GCNT1: variants seen among roughly 807,000 people sequenced by gnomAD.
GCNT1 encodes the protein glucosaminyl (N-acetyl) transferase 1, also known as beta-1,3-galactosyl-O-glycosyl-glycoprotein beta-1,6-N-acetylglucosaminyltransferase.
Under a neutral mutation model 26.2 loss-of-function variants are expected in GCNT1, and 16 were observed. The ratio of observed to expected loss-of-function variants is 0.61; its 90% CI spans 0.41 to 0.93. The LOEUF (loss-of-function observed/expected upper bound fraction) is 0.93. Ranked by LOEUF, GCNT1 falls within the 40% of genes least tolerant of loss-of-function variation. The pLI is 0.00. For synonymous variants in GCNT1, 183 were observed against 190.8 expected (o/e 0.96, Z 0.34); for missense variants, 477 against 526.7 (o/e 0.91, Z 0.92).
the GCNT1 span, among the ~76,000 whole-genome samples, chr9:76,413,664 T>TG: frequency 3.8e-4 from 44 of 117,150 alleles, 1 homozygote; most frequent in South Asian, 0.011. Context: ...TTTTTTTTTT[T>TG]TTTGTTTTTT....
chr9:76,478,173 C>A (rs946111916), intron 2 of GCNT1, among the ~76,000 whole-genome samples: 1 of 152,176 alleles, frequency 6.6e-6, no homozygotes, highest in Admixed American at 6.5e-5. Flanking sequence ...GCAACCTGCT[C>A]AGGTATCCTT....
chr9:76,416,172 C>T (rs111989786), upstream of GCNT1, among the ~76,000 whole-genome samples: 2 of 152,184 alleles, frequency 1.3e-5, no homozygotes, highest in African/African-American at 4.8e-5. Context: ...AGCAGAGTGT[C>T]ATGGCAGAGA....
chr9:76,484,804 T>C (rs1024350095), intron 2 of GCNT1, among the ~76,000 whole-genome samples: 46 of 150,472 alleles, frequency 3.1e-4, no homozygotes, highest in East Asian at 2.9e-3. Flanking sequence ...TTTTTTTTTT[T>C]CTGAGATGGA....
rs149839829 is a variant in GCNT1, at chr9:76,434,537, G to A, written n.38+14650G>A. Among the ~76,000 whole-genome samples, 21 of 152,308 alleles carry A rather than the reference G, an allele frequency of 1.4e-4. No homozygotes were observed. The East Asian group carries it at 3.9e-3, about 28-fold the overall frequency. ...GGACCCTGTGATGATTGTGTTAACTGTACAAATTGATTGTAAAACTTGTGT... is the reference window on the plus strand; with the variant it reads ...GGACCCTGTGATGATTGTGTTAACTATACAAATTGATTGTAAAACTTGTGT... On this transcript the variant is annotated intron_variant and non_coding_transcript_variant, in intron 1 of 3. Transcript: ENST00000488136.
chr9:76,490,475 T>C (rs914254824), intron 2 of GCNT1, among the ~76,000 whole-genome samples: 1 of 152,254 alleles, frequency 6.6e-6, no homozygotes, highest in Non-Finnish European at 1.5e-5. Context: ...GGCCCTGTGC[T>C]GACAGACTTG....
At chr9:76,402,348 A>G in the GCNT1 span, among the ~76,000 whole-genome samples, 411 of 152,366 alleles carry the variant, frequency 2.7e-3, 2 homozygotes, top group Non-Finnish European at 4.5e-3. Context: ...TAAATTCAGA[A>G]AACATATTTT....
chr9:76,477,787 A>G (rs1364311331), intron 2 of GCNT1, among the ~76,000 whole-genome samples: 2 of 151,984 alleles, frequency 1.3e-5, no homozygotes, highest in African/African-American at 4.8e-5. Flanking sequence ...GTAGCTCCCC[A>G]TTCTTCCCTC....
rs987181059 is a variant in GCNT1 at position 76,433,316 on chromosome 9, T to TG, written n.38+13432dup. ...AAACCTGTGGGCTGGAGTGGGGCAA[T>TG]GGGACTGACAGAACTGTTAACGTGC... On this transcript the variant is annotated intron_variant and non_coding_transcript_variant, in intron 1 of 3. Transcript: ENST00000488136. 2.4e-4 allele frequency among the ~76,000 whole-genome samples: 37 copies of TG among 152,244 alleles called. 1 individual carries two copies. Among genetic ancestry groups the TG allele is most frequent in the African/African-American group, 8.4e-4 (35 of 41,542 alleles).
At chr9:76,405,255 G>A in the GCNT1 span, among the ~76,000 whole-genome samples, 75 of 150,058 alleles carry the variant, frequency 5.0e-4, no homozygotes, top group African/African-American at 1.8e-3. Context: ...AAATTGAGAA[G>A]TACAGAAAGT....
At chr9:76,403,680 C>T in the GCNT1 span, among the ~76,000 whole-genome samples, 1 of 152,200 alleles carries the variant, frequency 6.6e-6, no homozygotes, top group African/African-American at 2.4e-5. Context: ...AGCATGGCTA[C>T]TGCATTCTAT....
the GCNT1 span, among the ~76,000 whole-genome samples, chr9:76,395,097 C>T: frequency 3.9e-5 from 6 of 152,136 alleles, no homozygotes; most frequent in South Asian, 6.2e-4. Flanking sequence ...TTGACAATTT[C>T]ACAAGCCCGA....
intron 2 of GCNT1, among the ~76,000 whole-genome samples, chr9:76,472,660 A>G (rs1055535834): frequency 2.0e-5 from 3 of 152,166 alleles, no homozygotes; most frequent in African/African-American, 7.2e-5. Context: ...TATTTACAGT[A>G]GACCTGACTG....
chr9:76,494,656 G>A lies in GCNT1; in HGVS notation c.-289-6260G>A, dbSNP rs574552. Among the ~76,000 whole-genome samples the A allele has an allele frequency of 6.2e-3, 941 of 152,296 alleles. 3 individuals carry two copies. Among genetic ancestry groups the A allele is most frequent in the Non-Finnish European group, 9.6e-3 (656 of 68,012 alleles). ...TATACTAGAAATCATTCTTATAGGAGAAACTAGAAAAGCACCAGAGACAGG... is the reference window on the plus strand; with the variant it reads ...TATACTAGAAATCATTCTTATAGGAAAAACTAGAAAAGCACCAGAGACAGG... On this transcript the variant is annotated intron_variant, in intron 2 of 3. Coordinates refer to ENST00000376730, the MANE Select transcript of GCNT1 (RefSeq NM_001490.5).
chr9:76,410,836 T>C, the GCNT1 span, among the ~76,000 whole-genome samples: 2 of 152,352 alleles, frequency 1.3e-5, no homozygotes, highest in South Asian at 4.1e-4. Flanking sequence ...ATTGTATTCC[T>C]ATCAGTTTTT....
At chr9:76,496,553 C>A (rs951152476) in intron 2 of GCNT1, among the ~76,000 whole-genome samples, 2 of 151,994 alleles carry the variant, frequency 1.3e-5, no homozygotes, top group Non-Finnish European at 2.9e-5. Context: ...AAGCACTCAG[C>A]GGCACCCTGT....
chr9:76,393,902 A>ATGC, the GCNT1 span: 31 of 574,798 alleles, frequency 5.4e-5, no homozygotes, highest in East Asian at 1.0e-3. Flanking sequence ...CGGAGCCAGA[A>ATGC]GCAGGGACAA....
At chr9:76,454,842 CTTTTTTTTT>C (rs1183951605), upstream of GCNT1, among the ~76,000 whole-genome samples, 5 of 105,658 alleles carry the variant, frequency 4.7e-5, no homozygotes, top group Admixed American at 1.1e-4. Context: ...CTTTTCTTTT[CTTTTTTTTT>C]TTTTTTTTTT....
At position 76,503,082 on chromosome 9, in the gene GCNT1, A is replaced by G. The variant is rs1587461087; in HGVS notation, c.701A>G (p.Lys234Arg). The G allele has an allele frequency of 6.2e-7, 1 of 1,614,132 alleles. No homozygotes were observed. The highest frequency in any genetic ancestry group is 8.5e-7 in the Non-Finnish European group (1 of 1,179,992). Residue 234 changes from lysine (K) to arginine (R), a missense_variant, in exon 4 of 4, where the codon AAG (lysine) becomes AGG (arginine). By Grantham distance (26) the Lys-to-Arg change is conservative. Coordinates refer to ENST00000376730, the MANE Select transcript of GCNT1 (RefSeq NM_001490.5). Reference protein sequence around the residue: ...KTNLEIVRKLKLLMGENNLET... With the variant: ...KTNLEIVRKLRLLMGENNLET... Reference sequence around the variant, plus strand: ...AACCTAGAAATTGTCAGGAAGCTCAAGTTGTTAATGGGAGAAAACAACCTG... The same window carrying G: ...AACCTAGAAATTGTCAGGAAGCTCAGGTTGTTAATGGGAGAAAACAACCTG...
intron 2 of GCNT1, among the ~76,000 whole-genome samples, chr9:76,462,092 G>C (rs1283020691): frequency 1.3e-5 from 2 of 151,738 alleles, no homozygotes. Flanking sequence ...GATCCCTTCT[G>C]ACTGTCAAAT....
Sources: gnomAD v4.1 joint callset for allele counts (sites outside exome capture counted in the v4.1 genomes callset) on GRCh38, gnomAD v4.1.1 for gene constraint, MANE v1.5 for transcripts, NCBI Gene and HGNC (gene_info 2026-07-23, HGNC 2026-07-21) for gene names.